ALK: variants seen among roughly 807,000 people sequenced by gnomAD.
ALK encodes ALK receptor tyrosine kinase, also known as ALK tyrosine kinase receptor.
ALK carries 74 observed loss-of-function variants against 163.1 expected under a neutral mutation model. That is an observed-to-expected ratio of 0.45 (90% CI 0.38 to 0.55). The LOEUF (loss-of-function observed/expected upper bound fraction) is 0.55, where lower values mean the gene tolerates loss of function less well. ALK is among the 20% of genes least tolerant of loss of function. The pLI, the probability that ALK is intolerant of heterozygous loss-of-function variation, is 0.00. For synonymous variants in ALK, 960 were observed against 843.2 expected, an observed-to-expected ratio of 1.14 and a Z score of -2.40; for missense variants, 2,063 against 2,105.3, an observed-to-expected ratio of 0.98 and a Z score of 0.39.
chr2:29,241,083 A>G (rs1664510804), intron 12 of ALK, among the ~76,000 whole-genome samples: 1 of 152,190 alleles, frequency 6.6e-6, no homozygotes, highest in South Asian at 2.1e-4. Flanking sequence ...ATGCAAATGG[A>G]GAATCTAGTG....
chr2:29,239,849 C>T lies in ALK; in HGVS notation c.2205-19G>A, dbSNP rs757410904. On this transcript the variant is annotated intron_variant, in intron 12 of 28. Transcript: ENST00000389048. ...CGAGATGCTGCAATGGGACAAAGAA[C>T]GTTGGCTCCCGCTGTGGTATGAAGA... 5.0e-6 allele frequency: 8 copies of T among 1,610,628 alleles called. No individual in the cohort carries two copies. Among genetic ancestry groups the T allele is most frequent in the African/African-American group, 1.3e-5 (1 of 75,034 alleles).
At chr2:29,485,177 C>T (rs1671750902) in intron 4 of ALK, among the ~76,000 whole-genome samples, 1 of 152,136 alleles carries the variant, frequency 6.6e-6, no homozygotes, top group Admixed American at 6.5e-5. Flanking sequence ...TGTCTAAGCA[C>T]CTATCTTCCA....
At chr2:29,726,713 G>A (rs1221233395) in intron 1 of ALK, among the ~76,000 whole-genome samples, 1 of 152,214 alleles carries the variant, frequency 6.6e-6, no homozygotes, top group South Asian at 2.1e-4. Context: ...GAGCTCCAGC[G>A]TGGAAGAGTG....
intron 11 of ALK, among the ~76,000 whole-genome samples, chr2:29,261,499 T>A (rs1308503888): frequency 2.0e-5 from 3 of 152,216 alleles, no homozygotes; most frequent in African/African-American, 7.2e-5. Context: ...TGAGCCCCTG[T>A]ATGCCATTTA....
intron 4 of ALK, among the ~76,000 whole-genome samples, chr2:29,390,500 G>A (rs1669140028): frequency 6.6e-6 from 1 of 151,904 alleles, no homozygotes; most frequent in African/African-American, 2.4e-5. Flanking sequence ...TCTGGACGAG[G>A]TGTGAAGGTG....
At chr2:29,696,256 C>A (rs1292591260) in intron 2 of ALK, among the ~76,000 whole-genome samples, 1 of 151,986 alleles carries the variant, frequency 6.6e-6, no homozygotes, top group Non-Finnish European at 1.5e-5. Context: ...AAGCTGGAAA[C>A]CATCATTCTC....
chr2:29,296,584 T>A (rs750148090), intron 9 of ALK, among the ~76,000 whole-genome samples: 26 of 152,186 alleles, frequency 1.7e-4, no homozygotes, highest in Non-Finnish European at 3.1e-4. Context: ...GGGGGAAATG[T>A]GAGTTGTTCA....
At chr2:29,686,198 C>G (rs1413800695) in intron 3 of ALK, among the ~76,000 whole-genome samples, 1 of 152,186 alleles carries the variant, frequency 6.6e-6, no homozygotes, top group African/African-American at 2.4e-5. Context: ...ATGCTGTGAT[C>G]CCTCCTCAGG....
intron 1 of ALK, among the ~76,000 whole-genome samples, chr2:29,727,552 C>T (rs1679608700): frequency 6.6e-6 from 1 of 152,184 alleles, no homozygotes; most frequent in Admixed American, 6.5e-5. Flanking sequence ...CATGCTTTCC[C>T]AGCCAACTTT....
chr2:29,804,902 G>A (rs1331974621), intron 1 of ALK, among the ~76,000 whole-genome samples: 2 of 152,164 alleles, frequency 1.3e-5, no homozygotes, highest in Admixed American at 1.3e-4. Flanking sequence ...CAACCTTGAT[G>A]TTATGGTGCG....
intron 1 of ALK, among the ~76,000 whole-genome samples, chr2:29,765,109 A>C (rs534866987): frequency 6.6e-6 from 1 of 152,292 alleles, no homozygotes; most frequent in African/African-American, 2.4e-5. Context: ...CAGAAGCAGA[A>C]GCCAATATGC....
Position 29,193,433 on chromosome 2 carries a change from C to A in ALK, c.4654G>T (p.Gly1552Trp), listed in dbSNP as rs771570579. ...PPNVATGRLP[G>W]ASLLLEPSSL... ...GAGGGCTCTAGGAGCAGTGAGGCCC[C>A]CGGAAGTCTCCCAGTTGCAACGTTA... Residue 1552 changes from glycine (G) to tryptophan (W), a missense_variant, in exon 29 of 29, where the codon GGG (glycine) becomes TGG (tryptophan). This residue lies in a region of ALK where 403 missense variants were observed against 366.2 expected (regional missense o/e 1.10). Coordinates refer to ENST00000389048, the MANE Select transcript of ALK (RefSeq NM_004304.5). The A allele has an allele frequency of 9.9e-6, 16 of 1,614,170 alleles. No individual in the cohort carries two copies. Among genetic ancestry groups the A allele is most frequent in the Non-Finnish European group, 8.5e-7 (1 of 1,180,038 alleles).
At chr2:29,391,496 T>A (rs570857645) in intron 4 of ALK, among the ~76,000 whole-genome samples, 1 of 152,270 alleles carries the variant, frequency 6.6e-6, no homozygotes, top group African/African-American at 2.4e-5. Context: ...AGATGGGGTT[T>A]CCCCGTGTTG....
At chr2:29,818,676 T>C (rs1231953507) in intron 1 of ALK, among the ~76,000 whole-genome samples, 1 of 152,232 alleles carries the variant, frequency 6.6e-6, no homozygotes, top group Non-Finnish European at 1.5e-5. Context: ...CAGTAGCAGA[T>C]ATAGGGTTTG....
At chr2:29,643,270 G>A (rs1324752076) in intron 3 of ALK, among the ~76,000 whole-genome samples, 2 of 152,142 alleles carry the variant, frequency 1.3e-5, no homozygotes, top group Non-Finnish European at 2.9e-5. Flanking sequence ...TACATCACCA[G>A]GAAAGGGAAT....
intron 4 of ALK, among the ~76,000 whole-genome samples, chr2:29,479,094 T>A (rs1027716809): frequency 6.6e-6 from 1 of 152,180 alleles, no homozygotes; most frequent in Non-Finnish European, 1.5e-5. Flanking sequence ...GGCAGCCTGA[T>A]CATCTTGGAG....
At chr2:29,837,042 AC>A (rs1665580809) in intron 1 of ALK, among the ~76,000 whole-genome samples, 2 of 152,256 alleles carry the variant, frequency 1.3e-5, no homozygotes, top group African/African-American at 4.8e-5. Flanking sequence ...GTGAACACAG[AC>A]ATCCCCCTCA....
chr2:29,858,842 C>G (rs966274664), intron 1 of ALK, among the ~76,000 whole-genome samples: 2 of 152,082 alleles, frequency 1.3e-5, no homozygotes, highest in African/African-American at 4.8e-5. Context: ...AATTCGAGAC[C>G]AGCCTGGCCA....
intron 4 of ALK, among the ~76,000 whole-genome samples, chr2:29,484,055 T>C (rs570655831): frequency 1.3e-5 from 2 of 152,218 alleles, no homozygotes; most frequent in Admixed American, 6.5e-5. Flanking sequence ...TCAGATCTTG[T>C]GATACTTATT....
Sources: allele counts gnomAD v4.1 joint callset (sites outside exome capture counted in the v4.1 genomes callset), GRCh38; gene constraint gnomAD v4.1.1; regional missense constraint gnomAD v4.1.1; transcripts MANE v1.5; gene names NCBI Gene and HGNC (gene_info 2026-07-23, HGNC 2026-07-21).